MYO1E: variants seen among roughly 807,000 people sequenced by gnomAD.
MYO1E encodes the protein myosin IE, also known as unconventional myosin-Ie.
Under a neutral mutation model 151.1 loss-of-function variants are expected in MYO1E, and 68 were observed. The observed-to-expected ratio is 0.45, with a 90% CI of 0.37 to 0.55. MYO1E has a LOEUF of 0.55. Among genes scored for constraint, MYO1E ranks in the 20% least tolerant of loss-of-function variants. The probability of loss-of-function intolerance (pLI) is 0.00; values close to 1 mark genes in which losing one functional copy is unlikely to be tolerated. For missense variants in MYO1E, 1,363 were observed against 1,389.3 expected, an observed-to-expected ratio of 0.98 and a Z score of 0.30; for synonymous variants, 601 against 501.7, an observed-to-expected ratio of 1.20 and a Z score of -2.64.
intron 1 of MYO1E, among the ~76,000 whole-genome samples, chr15:59,335,626 C>G (rs2080723560): frequency 6.6e-6 from 1 of 152,174 alleles, no homozygotes; most frequent in South Asian, 2.1e-4. Context: ...TGAAGTCCCC[C>G]ACCTGTTTTC....
chr15:59,361,055 G>A (rs755427441), intron 1 of MYO1E, among the ~76,000 whole-genome samples: 1 of 152,142 alleles, frequency 6.6e-6, no homozygotes, highest in Non-Finnish European at 1.5e-5. Flanking sequence ...GGAACCCTGT[G>A]GTGTGACCAC....
chr15:59,196,383 G>C (rs1275871776), intron 16 of MYO1E, among the ~76,000 whole-genome samples: 1 of 152,184 alleles, frequency 6.6e-6, no homozygotes, highest in Non-Finnish European at 1.5e-5. Context: ...AACAGGAGTA[G>C]AGCTCACATC....
intron 4 of MYO1E, 152 bp from the exon 5 acceptor site, chr15:59,236,824 A>C (rs2080069744): frequency 1.4e-6 from 1 of 709,334 alleles, no homozygotes; most frequent in South Asian, 1.6e-5. Context: ...ATACCAGTAG[A>C]GAAAGGCAAG....
At chr15:59,367,349 G>C (rs1240205638) in intron 1 of MYO1E, among the ~76,000 whole-genome samples, 1 of 146,768 alleles carries the variant, frequency 6.8e-6, no homozygotes, top group African/African-American at 2.6e-5. Flanking sequence ...GCCTGAGACA[G>C]ACCGCCAATT....
At chr15:59,179,691 C>T (rs777120949) in intron 18 of MYO1E, among the ~76,000 whole-genome samples, 35 of 152,332 alleles carry the variant, frequency 2.3e-4, no homozygotes, top group Non-Finnish European at 4.3e-4. Context: ...CTGTCTCTTT[C>T]ATGATGGCAC....
At chr15:59,141,117 G>A (rs1180911019) in intron 26 of MYO1E, among the ~76,000 whole-genome samples, 1 of 152,168 alleles carries the variant, frequency 6.6e-6, no homozygotes, top group Non-Finnish European at 1.5e-5. Flanking sequence ...CAGACGTCAT[G>A]TGACTTCTCA....
At chr15:59,271,186 T>C (rs1306432636) in intron 2 of MYO1E, 2 of 152,198 alleles carry the variant, frequency 1.3e-5, no homozygotes, top group Non-Finnish European at 2.9e-5. Flanking sequence ...AGTGATGGGA[T>C]AGGCAGCCGC....
chr15:59,227,662 C>G (rs1213039948), intron 6 of MYO1E, 72 bp from the exon 7 acceptor site: 2 of 1,556,512 alleles, frequency 1.3e-6, no homozygotes, highest in Non-Finnish European at 1.8e-6. Context: ...GCTTTGAATA[C>G]AGTATATAAT....
At position 59,173,700 on chromosome 15, in the gene MYO1E, T is replaced by C. The variant is rs370016812; in HGVS notation, c.2334+46A>G. 1.9e-6 allele frequency: 3 copies of C among 1,603,214 alleles called. No individual in the cohort carries two copies. In the African/African-American group the frequency reaches 4.0e-5, roughly 22 times the overall value. On this transcript the variant is annotated intron_variant, in intron 21 of 27. Transcript: ENST00000288235. The stretch of plus-strand genomic sequence containing the variant: ...GCAAAATAACAAGTTATTAAAAAAA[T>C]AAGGAATCTGTTTGGTGATCTCAGA...
intron 1 of MYO1E, among the ~76,000 whole-genome samples, chr15:59,335,352 G>A (rs2080721927): frequency 6.6e-6 from 1 of 152,138 alleles, no homozygotes; most frequent in Non-Finnish European, 1.5e-5. Flanking sequence ...ACTTCAGCTG[G>A]CAAGCGCAGG....
rs16941055 is a variant in MYO1E, at chr15:59,135,360, A to G, written c.*2020T>C. ...AGCCAGCCAGGGGCTTATGATAACA[A>G]GGGAAGATGGTCCTGGTGTTCCTGC... On this transcript the variant is annotated 3_prime_UTR_variant, in exon 28 of 28. Transcript: ENST00000288235. 0.023 allele frequency: 3,487 copies of G among 151,810 alleles called. 77 individuals are homozygous for G. The highest frequency in any genetic ancestry group is 0.047 in the African/African-American group (1,931 of 41,040). The allele number at this position is 151,810 out of a possible 1,614,324, so 9.4% of individuals were successfully genotyped here.
chr15:59,319,141 T>A lies in MYO1E; in HGVS notation c.4-46692A>T, dbSNP rs188755210. 3.0e-3 allele frequency among the ~76,000 whole-genome samples: 451 copies of A among 152,140 alleles called. 2 individuals carry two copies. The highest frequency in any genetic ancestry group is 3.5e-3 in the Non-Finnish European group (235 of 68,006). On this transcript the variant is annotated intron_variant, in intron 1 of 27. Transcript: ENST00000288235. ...GCCTGGCCAACATGGTGAAACCCCA[T>A]CTTTACCAAAAATACAAAAAAAAGC...
chr15:59,283,138 C>G lies in MYO1E; in HGVS notation c.4-10689G>C, dbSNP rs1318028814. ...CTGCCTTCACAAGCCTGGTCTGGAA[C>G]CCCTCAAGGTAGCTGCGCATGCATT... On this transcript the variant is annotated intron_variant, in intron 1 of 27. Coordinates refer to ENST00000288235, the MANE Select transcript of MYO1E (RefSeq NM_004998.4). Among the ~76,000 whole-genome samples, 3 of 151,074 alleles carry G rather than the reference C, an allele frequency of 2.0e-5. No individual in the cohort carries two copies. The East Asian group carries it at 5.9e-4, about 30-fold the overall frequency.
At chr15:59,368,903 G>C (rs758504625) in intron 1 of MYO1E, among the ~76,000 whole-genome samples, 1 of 152,208 alleles carries the variant, frequency 6.6e-6, no homozygotes, top group Non-Finnish European at 1.5e-5. Flanking sequence ...TGCCTGGGCT[G>C]TCAAATATTT....
intron 1 of MYO1E, among the ~76,000 whole-genome samples, chr15:59,313,861 T>C (rs1184104596): frequency 6.6e-6 from 1 of 152,250 alleles, no homozygotes; most frequent in Non-Finnish European, 1.5e-5. Flanking sequence ...TGGGACTTTC[T>C]GTACCACATG....
chr15:59,285,482 C>G (rs980971231), intron 1 of MYO1E, among the ~76,000 whole-genome samples: 1 of 151,828 alleles, frequency 6.6e-6, no homozygotes, highest in African/African-American at 2.4e-5. Flanking sequence ...CTCAGCCCCC[C>G]GAGTGGCTGG....
chr15:59,266,863 T>A (rs62002719), intron 2 of MYO1E: 4,746 of 150,740 alleles, frequency 0.031, 107 homozygotes, highest in Non-Finnish European at 0.047. Flanking sequence ...GAGTTTCACC[T>A]TGTTAGCCAG....
chr15:59,254,082 A>G (rs139121886), intron 4 of MYO1E, among the ~76,000 whole-genome samples: 1 of 152,274 alleles, frequency 6.6e-6, no homozygotes, highest in African/African-American at 2.4e-5. Context: ...TGGAATACTG[A>G]TATTAGATAC....
chr15:59,173,249 A>G (rs993699796), intron 21 of MYO1E, among the ~76,000 whole-genome samples: 1 of 152,342 alleles, frequency 6.6e-6, no homozygotes, highest in East Asian at 1.9e-4. Flanking sequence ...TAGGAGACAG[A>G]TAGATACACA....
Sources: allele counts gnomAD v4.1 joint callset (sites outside exome capture counted in the v4.1 genomes callset), GRCh38; gene constraint gnomAD v4.1.1; transcripts MANE v1.5; gene names NCBI Gene and HGNC (gene_info 2026-07-23, HGNC 2026-07-21).